The following CSMD3 variants were observed in gnomAD, a reference collection of about 807,000 sequenced individuals.
CSMD3 encodes CUB and sushi domain-containing protein 3.
A neutral mutation model predicts 435.2 loss-of-function variants in CSMD3; 177 were observed. The observed-to-expected ratio is 0.41, with a 90% confidence interval of 0.36 to 0.46. The LOEUF is 0.46. Ranked by LOEUF, CSMD3 falls within the 20% of genes least tolerant of loss-of-function variation. The pLI, the probability that CSMD3 is intolerant of heterozygous loss-of-function variation, is 0.34. For missense variants in CSMD3, 4,265 were observed against 4,504.6 expected (o/e 0.95, Z 1.52); for synonymous variants, 1,656 against 1,520.5 (o/e 1.09, Z -2.07).
At chr8:112,911,324 A>T (rs2082404997) in intron 10 of CSMD3, among the ~76,000 whole-genome samples, 2 of 151,908 alleles carry the variant, frequency 1.3e-5, no homozygotes, top group African/African-American at 4.8e-5. Flanking sequence ...ATATTTTGAT[A>T]TTTGTCTACT....
At chr8:112,415,582 G>A (rs570285727) in intron 32 of CSMD3, among the ~76,000 whole-genome samples, 9 of 152,280 alleles carry the variant, frequency 5.9e-5, no homozygotes, top group African/African-American at 1.9e-4. Flanking sequence ...GAGGGCCACC[G>A]TCCTCCAGAT....
intron 7 of CSMD3, among the ~76,000 whole-genome samples, chr8:112,975,159 C>CCAGA (rs2084799120): frequency 6.6e-6 from 1 of 150,958 alleles, no homozygotes; most frequent in Admixed American, 6.6e-5. Context: ...TAGAAAATTA[C>CCAGA]CAATGTAAGA....
intron 41 of CSMD3, among the ~76,000 whole-genome samples, chr8:112,344,999 G>A (rs1439996475): frequency 1.3e-5 from 2 of 151,952 alleles, no homozygotes; most frequent in African/African-American, 4.8e-5. Context: ...TAAAATTTAG[G>A]TTGAATTTAT....
intron 32 of CSMD3, among the ~76,000 whole-genome samples, chr8:112,459,909 C>T (rs75789454): frequency 0.016 from 2,435 of 152,148 alleles, 31 homozygotes; most frequent in Non-Finnish European, 0.024. Flanking sequence ...TTCTTTTTGG[C>T]TGGAATGTCC....
At chr8:113,188,584 G>A (rs978363635) in intron 3 of CSMD3, among the ~76,000 whole-genome samples, 1 of 151,942 alleles carries the variant, frequency 6.6e-6, no homozygotes, top group Admixed American at 6.6e-5. Flanking sequence ...TGCCCTTCTA[G>A]AGTAATGCTC....
Position 112,561,383 on chromosome 8 carries a change from T to G in CSMD3, c.4043-4429A>C, listed in dbSNP as rs1218136995. 4.0e-5 allele frequency among the ~76,000 whole-genome samples: 6 copies of G among 151,678 alleles called. No individual in the cohort carries two copies. The East Asian group carries it at 9.7e-4, about 25-fold the overall frequency. On this transcript the variant is annotated intron_variant, in intron 24 of 70. Transcript: ENST00000297405. The stretch of plus-strand genomic sequence containing the variant: ...AGATGTTTTTGATTTTCTGAATACC[T>G]TAAACTGAGATTTCATTCCTTTCCT...
chr8:112,790,447 C>T (rs1212818578), intron 13 of CSMD3, among the ~76,000 whole-genome samples: 1 of 151,146 alleles, frequency 6.6e-6, no homozygotes, highest in Non-Finnish European at 1.5e-5. Flanking sequence ...CACAAAAGAG[C>T]AAGTCAGATA....
chr8:112,335,121 C>A (rs998363145), intron 45 of CSMD3, among the ~76,000 whole-genome samples: 2 of 152,054 alleles, frequency 1.3e-5, no homozygotes, highest in African/African-American at 4.8e-5. Context: ...TTCCTATATC[C>A]ATTTGCTCAC....
At chr8:113,111,540 T>A (rs2090640053) in intron 4 of CSMD3, among the ~76,000 whole-genome samples, 1 of 152,114 alleles carries the variant, frequency 6.6e-6, no homozygotes, top group African/African-American at 2.4e-5. Context: ...ATTTCCCCAG[T>A]TTTGCTTGTA....
At chr8:113,218,758 G>A (rs548585518) in intron 3 of CSMD3, among the ~76,000 whole-genome samples, 19 of 151,204 alleles carry the variant, frequency 1.3e-4, no homozygotes, top group Non-Finnish European at 2.4e-4. Context: ...TACAGGTTGA[G>A]TAACCTTTAT....
intron 22 of CSMD3, among the ~76,000 whole-genome samples, chr8:112,635,700 C>A (rs1389172973): frequency 6.6e-6 from 1 of 152,036 alleles, no homozygotes; most frequent in South Asian, 2.1e-4. Flanking sequence ...AGACTTCAGA[C>A]CCACACTAAC....
chr8:112,397,020 G>A (rs971905068), intron 35 of CSMD3, among the ~76,000 whole-genome samples: 5 of 152,130 alleles, frequency 3.3e-5, no homozygotes, highest in African/African-American at 1.2e-4. Context: ...ACAAATTAAA[G>A]AGAACACTTT....
chr8:112,807,319 T>C (rs543780301), intron 12 of CSMD3, among the ~76,000 whole-genome samples: 32 of 152,276 alleles, frequency 2.1e-4, no homozygotes, highest in Admixed American at 5.2e-4. Flanking sequence ...GCAATGACAA[T>C]TTAATAATAT....
At chr8:113,296,813 T>C (rs75911186) in intron 2 of CSMD3, among the ~76,000 whole-genome samples, 285 of 152,278 alleles carry the variant, frequency 1.9e-3, no homozygotes, top group South Asian at 9.5e-3. Context: ...TGTCTCTAAT[T>C]CGTAGTTCCA....
chr8:112,607,817 A>G (rs1178956207), intron 22 of CSMD3, among the ~76,000 whole-genome samples: 1 of 152,166 alleles, frequency 6.6e-6, no homozygotes, highest in Non-Finnish European at 1.5e-5. Flanking sequence ...CCTAAACACA[A>G]TAAAAGTCAT....
At chr8:112,692,812 T>C (rs977597979) in intron 13 of CSMD3, among the ~76,000 whole-genome samples, 2 of 152,188 alleles carry the variant, frequency 1.3e-5, no homozygotes, top group Admixed American at 1.3e-4. Context: ...AGAGAGCACA[T>C]TCACATAACT....
Position 112,619,937 on chromosome 8 carries a change from C to T in CSMD3, c.3715+16880G>A, listed in dbSNP as rs895965961. Among the ~76,000 whole-genome samples the T allele has an allele frequency of 3.1e-4, 38 of 121,386 alleles. 1 individual carries two copies. Among genetic ancestry groups the T allele is most frequent in the Admixed American group, 1.6e-3 (19 of 12,074 alleles). 79.6% of individuals were successfully genotyped at this position (121,386 alleles called of 152,430 possible). On this transcript the variant is annotated intron_variant, in intron 22 of 70. Coordinates refer to ENST00000297405, the MANE Select transcript of CSMD3 (RefSeq NM_198123.2). Reference sequence around the variant, plus strand: ...TTAAAGCATCACCCATGAAGGACTACGGTAAAAACAAACAACAAAAAAAGT... The same window carrying T: ...TTAAAGCATCACCCATGAAGGACTATGGTAAAAACAAACAACAAAAAAAGT...
At chr8:112,259,778 G>A (rs1023508488) in intron 61 of CSMD3, among the ~76,000 whole-genome samples, 2 of 152,222 alleles carry the variant, frequency 1.3e-5, no homozygotes, top group African/African-American at 4.8e-5. Flanking sequence ...AAAAGCCAGG[G>A]ACACTGTCTT....
At chr8:112,597,010 T>C (rs1038243956) in intron 22 of CSMD3, among the ~76,000 whole-genome samples, 1 of 151,994 alleles carries the variant, frequency 6.6e-6, no homozygotes, top group African/African-American at 2.4e-5. Context: ...AAGAAATAAC[T>C]AAAATCAGAG....
Sources: allele counts gnomAD v4.1 joint callset (sites outside exome capture counted in the v4.1 genomes callset), GRCh38; gene constraint gnomAD v4.1.1; transcripts MANE v1.5; gene names NCBI Gene and HGNC (gene_info 2026-07-23, HGNC 2026-07-21).